The following HHAT variants were observed in gnomAD, a reference collection of about 807,000 sequenced individuals.
The protein encoded by HHAT is hedgehog acyltransferase.
HHAT carries 47 observed loss-of-function variants against 70.8 expected under a neutral mutation model. The observed-to-expected ratio is 0.66, with a 90% CI of 0.53 to 0.85. HHAT has a LOEUF of 0.85. HHAT is among the 40% of genes least tolerant of loss of function. HHAT has a pLI of 0.00. For missense variants in HHAT, 609 were observed against 604.8 expected, an observed-to-expected ratio of 1.01 and a Z score of -0.07; for synonymous variants, 228 against 247.6, an observed-to-expected ratio of 0.92 and a Z score of 0.74.
chr1:210,434,819 TCG>T (rs777669348), intron 7 of HHAT, among the ~76,000 whole-genome samples: 6 of 151,806 alleles, frequency 4.0e-5, no homozygotes, highest in Non-Finnish European at 2.9e-5. Context: ...ATACAGGTAA[TCG>T]TTTAGAGCTA....
intron 7 of HHAT, among the ~76,000 whole-genome samples, chr1:210,436,540 G>A (rs2093380371): frequency 6.6e-6 from 1 of 151,626 alleles, no homozygotes; most frequent in African/African-American, 2.4e-5. Context: ...AGCAGTTTCT[G>A]TGCCTGATCA....
intron 8 of HHAT, among the ~76,000 whole-genome samples, chr1:210,509,998 A>G (rs994942153): frequency 6.6e-6 from 1 of 152,228 alleles, no homozygotes; most frequent in African/African-American, 2.4e-5. Flanking sequence ...AAGCCCTAAG[A>G]TGTGCTTTGC....
At chr1:210,542,988 G>A (rs1032533252) in intron 9 of HHAT, among the ~76,000 whole-genome samples, 5 of 152,094 alleles carry the variant, frequency 3.3e-5, no homozygotes, top group Admixed American at 6.5e-5. Context: ...ATATGGCACC[G>A]CTGTTCACAG....
intron 9 of HHAT, among the ~76,000 whole-genome samples, chr1:210,538,124 A>C (rs1558117907): frequency 6.7e-6 from 1 of 150,188 alleles, no homozygotes; most frequent in African/African-American, 2.5e-5. Flanking sequence ...GAATGGATTC[A>C]TTGTATCCCG....
chr1:210,500,870 A>G (rs925794966), intron 8 of HHAT, among the ~76,000 whole-genome samples: 5 of 152,178 alleles, frequency 3.3e-5, no homozygotes, highest in Non-Finnish European at 7.4e-5. Flanking sequence ...TTCCACAGTG[A>G]GGATCCTAAA....
intron 2 of HHAT, among the ~76,000 whole-genome samples, chr1:210,353,700 C>T (rs949952362): frequency 6.6e-6 from 1 of 152,076 alleles, no homozygotes; most frequent in African/African-American, 2.4e-5. Context: ...TTCATTTCCT[C>T]TTTCCACTTC....
At chr1:210,394,229 C>CTTTTTTTTTTTTTTTT (rs59554789) in intron 4 of HHAT, among the ~76,000 whole-genome samples, 1 of 116,288 alleles carries the variant, frequency 8.6e-6, no homozygotes, top group Non-Finnish European at 1.8e-5. Context: ...CATGATCTAT[C>CTTTTTTTTTTTTTTTT]TTTTTTTTTT....
intron 9 of HHAT, among the ~76,000 whole-genome samples, chr1:210,557,361 C>A (rs1293938863): frequency 6.6e-6 from 1 of 152,190 alleles, no homozygotes; most frequent in Non-Finnish European, 1.5e-5. Context: ...TGCTTTCCAA[C>A]TCCTGAAACC....
At chr1:210,580,388 A>G (rs577992274) in intron 9 of HHAT, among the ~76,000 whole-genome samples, 21 of 148,230 alleles carry the variant, frequency 1.4e-4, no homozygotes, top group African/African-American at 4.7e-4. Flanking sequence ...AAAAAAAAAA[A>G]GGGGGGATAC....
chr1:210,480,911 A>G (rs966975197), intron 8 of HHAT, among the ~76,000 whole-genome samples: 1 of 152,082 alleles, frequency 6.6e-6, no homozygotes, highest in African/African-American at 2.4e-5. Context: ...CTATCCATTC[A>G]CTGATCGAAC....
chr1:210,436,414 G>A (rs542017466), intron 7 of HHAT, among the ~76,000 whole-genome samples: 2 of 151,466 alleles, frequency 1.3e-5, no homozygotes, highest in Non-Finnish European at 2.9e-5. Flanking sequence ...CTTCAACTTC[G>A]TTCTTTTTGC....
chr1:210,353,443 T>G (rs1420660389), intron 2 of HHAT, among the ~76,000 whole-genome samples: 3 of 123,642 alleles, frequency 2.4e-5, no homozygotes, highest in Non-Finnish European at 3.7e-5. Flanking sequence ...TGTTTTTTTT[T>G]TTTTTTTTTT....
intron 1 of HHAT, among the ~76,000 whole-genome samples, chr1:210,333,876 T>TG (rs984326759): frequency 3.9e-5 from 6 of 151,990 alleles, no homozygotes; most frequent in African/African-American, 1.5e-4. Context: ...AGGCTGGTCT[T>TG]GAACTCCTGG....
intron 9 of HHAT, among the ~76,000 whole-genome samples, chr1:210,521,953 C>G (rs946298192): frequency 1.3e-5 from 2 of 152,208 alleles, no homozygotes; most frequent in Non-Finnish European, 2.9e-5. Context: ...TGCATGTTCT[C>G]TGTCCACCAG....
chr1:210,349,160 A>G, intron 2 of HHAT, 94 bp downstream of exon 2: 1 of 1,319,166 alleles, frequency 7.6e-7, no homozygotes, highest in South Asian at 1.4e-5. Context: ...ATGATCCAAT[A>G]GTGTCAAGAT....
At chr1:210,412,334 T>C (rs921803098) in intron 6 of HHAT, among the ~76,000 whole-genome samples, 1 of 152,106 alleles carries the variant, frequency 6.6e-6, no homozygotes, top group African/African-American at 2.4e-5. Context: ...ATAGCCCCAA[T>C]AGTATTAACT....
At chr1:210,546,064 T>TA (rs1469661180) in intron 9 of HHAT, among the ~76,000 whole-genome samples, 2 of 152,250 alleles carry the variant, frequency 1.3e-5, no homozygotes, top group African/African-American at 4.8e-5. Flanking sequence ...ACTTAACATT[T>TA]AGTCTAAGCA....
chr1:210,435,611 T>C (rs1276178287), intron 7 of HHAT, among the ~76,000 whole-genome samples: 1 of 151,866 alleles, frequency 6.6e-6, no homozygotes, highest in Admixed American at 6.5e-5. Flanking sequence ...GTTTCTCCTT[T>C]CTTTACATCT....
At chr1:210,559,832 G>A (rs1326878226) in intron 9 of HHAT, among the ~76,000 whole-genome samples, 4 of 152,152 alleles carry the variant, frequency 2.6e-5, no homozygotes, top group Non-Finnish European at 5.9e-5. Context: ...TTTTGTGTGT[G>A]ACATTATTGA....
Sources: allele counts gnomAD v4.1 joint callset (sites outside exome capture counted in the v4.1 genomes callset), GRCh38; gene constraint gnomAD v4.1.1; transcripts MANE v1.5; gene names NCBI Gene and HGNC (gene_info 2026-07-23, HGNC 2026-07-21).